The following DEPTOR variants were observed in gnomAD, a reference collection of about 807,000 sequenced individuals.
DEPTOR encodes the protein DEP domain containing MTOR interacting protein.
A neutral mutation model predicts 41.6 loss-of-function variants in DEPTOR; 41 were observed. The observed-to-expected ratio is 0.98, with a 90% CI of 0.77 to 1.28. The LOEUF (loss-of-function observed/expected upper bound fraction) is 1.28, where lower values mean the gene tolerates loss of function less well. DEPTOR is among the 50% of genes most tolerant of loss of function. The pLI is 0.00. For missense variants in DEPTOR, 514 were observed against 527.9 expected (o/e 0.97, Z 0.26); for synonymous variants, 195 against 192.3 (o/e 1.01, Z -0.12).
chr8:119,971,086 G>C (rs1828627413), intron 4 of DEPTOR, among the ~76,000 whole-genome samples: 2 of 152,086 alleles, frequency 1.3e-5, no homozygotes, highest in African/African-American at 4.8e-5. Context: ...AAAAAACTTA[G>C]CCGGGCATGG....
At chr8:119,953,369 G>A (rs1243851180) in intron 3 of DEPTOR, among the ~76,000 whole-genome samples, 1 of 152,112 alleles carries the variant, frequency 6.6e-6, no homozygotes, top group African/African-American at 2.4e-5. Context: ...GATCACTTGA[G>A]GTCAGGAGTT....
intron 1 of DEPTOR, among the ~76,000 whole-genome samples, chr8:119,891,946 TG>T (rs1355654919): frequency 2.0e-5 from 3 of 152,214 alleles, no homozygotes; most frequent in African/African-American, 7.2e-5. Context: ...TCAATATATT[TG>T]TCATCCCCTC....
chr8:119,972,170 A>G (rs1239437766), intron 4 of DEPTOR, among the ~76,000 whole-genome samples: 2 of 152,220 alleles, frequency 1.3e-5, no homozygotes, highest in Admixed American at 1.3e-4. Context: ...TGGCCCTCAA[A>G]TGCTAGCTCT....
At chr8:120,014,019 A>C (rs1022207795) in intron 8 of DEPTOR, among the ~76,000 whole-genome samples, 4 of 152,034 alleles carry the variant, frequency 2.6e-5, no homozygotes, top group African/African-American at 9.7e-5. Flanking sequence ...GTGTATTTTT[A>C]GTAGAAACGG....
intron 3 of DEPTOR, among the ~76,000 whole-genome samples, chr8:119,960,004 C>A (rs1828469809): frequency 6.6e-6 from 1 of 151,954 alleles, no homozygotes; most frequent in Admixed American, 6.6e-5. Context: ...CTGAGGTGGG[C>A]AGATCACGAG....
chr8:119,970,457 T>A (rs1354808273), intron 4 of DEPTOR, among the ~76,000 whole-genome samples: 1 of 152,148 alleles, frequency 6.6e-6, no homozygotes, highest in Admixed American at 6.6e-5. Flanking sequence ...CTTGCCTTGG[T>A]CTGGGATGTG....
intron 8 of DEPTOR, among the ~76,000 whole-genome samples, chr8:120,027,008 C>T (rs879863625): frequency 2.6e-5 from 4 of 151,992 alleles, no homozygotes; most frequent in Non-Finnish European, 5.9e-5. Flanking sequence ...CACCTGAGGT[C>T]GGGAGTTCAA....
intron 8 of DEPTOR, among the ~76,000 whole-genome samples, chr8:120,012,165 T>C (rs748519523): frequency 6.6e-5 from 10 of 152,232 alleles, no homozygotes; most frequent in Non-Finnish European, 1.3e-4. Flanking sequence ...TGTTAAGATA[T>C]AGCCCTAAAA....
At chr8:119,982,407 T>C (rs1025360086) in intron 4 of DEPTOR, among the ~76,000 whole-genome samples, 2 of 152,182 alleles carry the variant, frequency 1.3e-5, no homozygotes, top group Admixed American at 1.3e-4. Context: ...ATAGAAAGTG[T>C]TTGTTTCCTA....
chr8:119,968,235 C>T (rs1465889762), intron 4 of DEPTOR, among the ~76,000 whole-genome samples: 2 of 152,102 alleles, frequency 1.3e-5, no homozygotes, highest in Admixed American at 6.6e-5. Flanking sequence ...CCCTTATTAA[C>T]TTATTAATAA....
At chr8:119,889,557 A>AAGAGAAGAGG (rs1207983343) in intron 1 of DEPTOR, among the ~76,000 whole-genome samples, 1 of 95,904 alleles carries the variant, frequency 1.0e-5, no homozygotes, top group East Asian at 4.8e-4. Context: ...AGAAAGGAAA[A>AAGAGAAGAGG]AGAGGAGAGG....
intron 3 of DEPTOR, among the ~76,000 whole-genome samples, chr8:119,954,845 G>A (rs868395131): frequency 1.4e-5 from 2 of 147,948 alleles, no homozygotes; most frequent in African/African-American, 5.0e-5. Context: ...GGCAAATATT[G>A]GTGTGTGTGT....
chr8:119,966,049 C>G (rs1445918141), intron 4 of DEPTOR, among the ~76,000 whole-genome samples: 10 of 152,322 alleles, frequency 6.6e-5, no homozygotes, highest in African/African-American at 2.2e-4. Flanking sequence ...TACACACACA[C>G]AGACATTTTT....
intron 8 of DEPTOR, among the ~76,000 whole-genome samples, chr8:120,010,477 G>T (rs751632501): frequency 3.9e-5 from 6 of 151,934 alleles, no homozygotes; most frequent in African/African-American, 1.4e-4. Context: ...TTAGCCAGGC[G>T]TAGTGGCTCA....
At chr8:119,931,736 A>G (rs1406075180) in intron 3 of DEPTOR, among the ~76,000 whole-genome samples, 1 of 152,184 alleles carries the variant, frequency 6.6e-6, no homozygotes, top group African/African-American at 2.4e-5. Context: ...GGGATCCATC[A>G]GAACCTCCAT....
chr8:119,933,453 G>GACACACACACAC (rs35420959), intron 3 of DEPTOR, among the ~76,000 whole-genome samples: 51 of 124,564 alleles, frequency 4.1e-4, no homozygotes, highest in South Asian at 9.4e-4. Flanking sequence ...GACAGAGCAA[G>GACACACACACAC]ACACACACAC....
chr8:120,023,758 T>A (rs183301600), intron 8 of DEPTOR, among the ~76,000 whole-genome samples: 1 of 152,122 alleles, frequency 6.6e-6, no homozygotes, highest in African/African-American at 2.4e-5. Context: ...GGAAGCCAGT[T>A]CAGGGCTGAG....
intron 8 of DEPTOR, among the ~76,000 whole-genome samples, chr8:120,017,949 T>G (rs1812637983): frequency 6.6e-6 from 1 of 152,188 alleles, no homozygotes; most frequent in Non-Finnish European, 1.5e-5. Context: ...TCTGTTTCTT[T>G]GCATATTTAC....
intron 4 of DEPTOR, among the ~76,000 whole-genome samples, 170 bp from the exon 5 acceptor site, chr8:120,001,355 G>A (rs1177232579): frequency 1.3e-5 from 2 of 152,128 alleles, no homozygotes; most frequent in East Asian, 1.9e-4. Context: ...TGCATGTCAC[G>A]TGGAAAGAAC....
Sources: gnomAD v4.1 joint callset for allele counts (sites outside exome capture counted in the v4.1 genomes callset) on GRCh38, gnomAD v4.1.1 for gene constraint, MANE v1.5 for transcripts, NCBI Gene and HGNC (gene_info 2026-07-23, HGNC 2026-07-21) for gene names.